CCDC170: variants seen among roughly 807,000 people sequenced by gnomAD.
The protein encoded by CCDC170 is coiled-coil domain containing 170.
CCDC170 carries 69 observed loss-of-function variants against 72.6 expected under a neutral mutation model. The ratio of observed to expected loss-of-function variants is 0.95; its 90% CI spans 0.78 to 1.16. The LOEUF is 1.16. Among genes scored for constraint, CCDC170 ranks in the 50% most tolerant of loss-of-function variants. The pLI is 0.00. For synonymous variants in CCDC170, 300 were observed against 303.9 expected (o/e 0.99, Z 0.13); for missense variants, 852 against 832.5 (o/e 1.02, Z -0.29).
rs1583053750 is a variant in CCDC170 at position 151,615,867 on chromosome 6, C to T, written c.1947+188C>T. ...CGTTCCAATGTTAACACATGTGCTC[C>T]CGAAGCGAGAACTAGTCACATATTT... On this transcript the variant is annotated intron_variant, in intron 10 of 10. Transcript: ENST00000239374. 7.1e-6 allele frequency: 4 copies of T among 566,722 alleles called. No homozygotes were observed. In the East Asian group the frequency reaches 1.2e-4, roughly 17 times the overall value. The allele number at this position is 566,722 out of a possible 1,614,324, so 35.1% of individuals were successfully genotyped here.
At chr6:151,557,358 G>A (rs1054921934) in intron 5 of CCDC170, among the ~76,000 whole-genome samples, 6 of 150,976 alleles carry the variant, frequency 4.0e-5, no homozygotes, top group East Asian at 1.9e-4. Flanking sequence ...GCAGTGAGCC[G>A]AGATCACGCC....
chr6:151,521,985 C>CAA (rs34730093), intron 1 of CCDC170, among the ~76,000 whole-genome samples: 25 of 78,216 alleles, frequency 3.2e-4, no homozygotes, highest in Admixed American at 4.5e-4. Context: ...GACTCTGTCT[C>CAA]AAAAAAAAAA....
chr6:151,603,943 T>C (rs1776746708), intron 9 of CCDC170, among the ~76,000 whole-genome samples: 1 of 152,180 alleles, frequency 6.6e-6, no homozygotes, highest in Non-Finnish European at 1.5e-5. Flanking sequence ...GGGTCTTTAT[T>C]CTGTACAGTA....
intron 1 of CCDC170, among the ~76,000 whole-genome samples, chr6:151,499,325 A>G (rs112500361): frequency 2.8e-4 from 29 of 103,292 alleles, no homozygotes; most frequent in African/African-American, 6.8e-4. Flanking sequence ...TTCTAGGCAC[A>G]CTGTATAAGT....
chr6:151,518,171 C>T (rs1782263919), intron 1 of CCDC170, among the ~76,000 whole-genome samples: 2 of 152,138 alleles, frequency 1.3e-5, no homozygotes, highest in African/African-American at 4.8e-5. Context: ...TTATGGTATA[C>T]ATCCATGTTT....
intron 1 of CCDC170, among the ~76,000 whole-genome samples, chr6:151,518,702 G>A (rs1190777647): frequency 6.6e-6 from 1 of 152,154 alleles, no homozygotes; most frequent in Admixed American, 6.5e-5. Flanking sequence ...TAAGGGTCAG[G>A]CGGCTGAGAA....
At chr6:151,603,137 T>C (rs1449556089) in intron 9 of CCDC170, among the ~76,000 whole-genome samples, 1 of 152,212 alleles carries the variant, frequency 6.6e-6, no homozygotes, top group African/African-American at 2.4e-5. Context: ...ATACTATCCA[T>C]TAATGGACTA....
At chr6:151,604,977 A>G (rs1339072825) in intron 9 of CCDC170, among the ~76,000 whole-genome samples, 1 of 152,198 alleles carries the variant, frequency 6.6e-6, no homozygotes, top group Non-Finnish European at 1.5e-5. Context: ...ATAGTGCTTT[A>G]GAACGCTAAA....
At position 151,494,173 on chromosome 6, in the gene CCDC170, GC is replaced by G; in HGVS notation, c.47del (p.Pro16GlnfsTer20). The G allele has an allele frequency of 6.6e-7, 1 of 1,517,624 alleles. No individual in the cohort carries two copies. Among genetic ancestry groups the G allele is most frequent in the Non-Finnish European group, 8.8e-7 (1 of 1,136,814 alleles). 94.0% of individuals were successfully genotyped at this position (1,517,624 alleles called of 1,614,324 possible). A position where few individuals can be genotyped will look rare whatever the true frequency, so the allele number is the denominator to read the frequency against. On this transcript the variant is annotated frameshift_variant, in exon 1 of 11. Coordinates refer to ENST00000239374, the MANE Select transcript of CCDC170 (RefSeq NM_025059.4). LOFTEE classifies it high-confidence loss of function. ...GCCATATCGCGCTGGGTGCCGCTTC[GC>G]CAGCGCCCGAGGTACGGTCCCAGCC... ...TSHIALGAAS[P>X]APEETYDHLS... is the part of the protein sequence containing the mutation.
chr6:151,565,433 G>GTC (rs1414802912), intron 5 of CCDC170, among the ~76,000 whole-genome samples: 1 of 152,158 alleles, frequency 6.6e-6, no homozygotes, highest in Non-Finnish European at 1.5e-5. Flanking sequence ...CTGCAGGTCT[G>GTC]TCACTCCCCT....
At chr6:151,504,759 CTAGT>C (rs565763772) in intron 1 of CCDC170, among the ~76,000 whole-genome samples, 260 of 151,718 alleles carry the variant, frequency 1.7e-3, no homozygotes, top group African/African-American at 6.0e-3. Context: ...ATGTCAGTCT[CTAGT>C]TAGAGATGCA....
Position 151,548,780 on chromosome 6 carries a change from C to T in CCDC170, c.774+291C>T, listed in dbSNP as rs7745799. ...TGTCACCCAGACTGGAGTGCAGTGG[C>T]ACGATCCTGACTCACTGCAACTTCC... On this transcript the variant is annotated intron_variant, in intron 5 of 10. Transcript: ENST00000239374. 0.6 allele frequency among the ~76,000 whole-genome samples: 90,422 copies of T among 151,570 alleles called. 29,871 individuals carry two copies. Among genetic ancestry groups the T allele is most frequent in the Admixed American group, 0.72 (10,949 of 15,224 alleles).
At chr6:151,523,262 G>A (rs1431478951) in intron 1 of CCDC170, among the ~76,000 whole-genome samples, 1 of 152,090 alleles carries the variant, frequency 6.6e-6, no homozygotes, top group Non-Finnish European at 1.5e-5. Flanking sequence ...GTCTTCTTCA[G>A]GCAGAGCTAA....
intron 1 of CCDC170, among the ~76,000 whole-genome samples, chr6:151,501,016 C>T (rs186607970): frequency 5.1e-4 from 77 of 152,092 alleles, no homozygotes; most frequent in African/African-American, 1.8e-3. Context: ...CCCAATTACC[C>T]AAGGGAATAA....
At chr6:151,593,049 A>T in intron 7 of CCDC170, 58 bp from the exon 8 acceptor site, 1 of 1,544,542 alleles carries the variant, frequency 6.5e-7, no homozygotes, top group Non-Finnish European at 8.9e-7. Flanking sequence ...AGATTCTGTG[A>T]GATCACTCAT....
At chr6:151,531,776 A>C in intron 1 of CCDC170, among the ~76,000 whole-genome samples, 1 of 152,196 alleles carries the variant, frequency 6.6e-6, no homozygotes, top group Non-Finnish European at 1.5e-5. Context: ...CAGAAGGGGA[A>C]GAAAATACAT....
chr6:151,527,050 A>ATTTT (rs56941290), intron 1 of CCDC170, among the ~76,000 whole-genome samples: 15 of 69,668 alleles, frequency 2.2e-4, no homozygotes, highest in Non-Finnish European at 2.7e-4. Context: ...ATGCTTAGCT[A>ATTTT]TTTTTTTTTT....
chr6:151,554,659 G>C (rs1214029907), intron 5 of CCDC170, among the ~76,000 whole-genome samples: 1 of 151,942 alleles, frequency 6.6e-6, no homozygotes, highest in Non-Finnish European at 1.5e-5. Context: ...GGGAGGCAGA[G>C]GTTGCAGTGA....
intron 1 of CCDC170, among the ~76,000 whole-genome samples, chr6:151,499,025 C>G (rs1453919551): frequency 7.3e-6 from 1 of 137,226 alleles, no homozygotes; most frequent in Non-Finnish European, 1.5e-5. Context: ...TCTAGGCACG[C>G]TGTATAAGTG....
Sources: gnomAD v4.1 joint callset for allele counts (sites outside exome capture counted in the v4.1 genomes callset) on GRCh38, gnomAD v4.1.1 for gene constraint, MANE v1.5 for transcripts, NCBI Gene and HGNC (gene_info 2026-07-23, HGNC 2026-07-21) for gene names.